Variants in QPCT observed in about 807,000 individuals in gnomAD.
QPCT encodes the protein glutaminyl-peptide cyclotransferase, also known as EC.
Under a neutral mutation model 43.4 loss-of-function variants are expected in QPCT, and 44 were observed. That is an observed-to-expected ratio of 1.01 (90% CI 0.80 to 1.30). The LOEUF (loss-of-function observed/expected upper bound fraction) is 1.30. QPCT is among the 50% of genes most tolerant of loss of function. QPCT has a pLI of 0.00. For synonymous variants in QPCT, 168 were observed against 168.4 expected (o/e 1.00, Z 0.02); for missense variants, 526 against 436.5 (o/e 1.21, Z -1.83).
intron 4 of QPCT, chr2:37,368,467 C>T: frequency 2.5e-6 from 1 of 394,096 alleles, no homozygotes; most frequent in Non-Finnish European, 5.2e-6. Flanking sequence ...CTGACGCTCA[C>T]CCCATCTGTG....
intron 1 of QPCT, among the ~76,000 whole-genome samples, chr2:37,347,153 T>TTATATATATATATATATATATATC (rs1553384201): frequency 1.8e-5 from 1 of 57,108 alleles, no homozygotes; most frequent in Non-Finnish European, 2.8e-5. Flanking sequence ...TTTATATATA[T>TTATATATATATATATATATATATC]ATATATATAT....
intron 5 of QPCT, among the ~76,000 whole-genome samples, chr2:37,370,805 C>A (rs72792856): frequency 0.012 from 1,884 of 152,222 alleles, 17 homozygotes; most frequent in Non-Finnish European, 0.021. Context: ...TGTACTACCA[C>A]CCTACCCAAA....
rs1672515567 is a variant in QPCT, at chr2:37,347,183, T to TTATATATATATAAC, written c.120+2332_120+2333insTATATATATATAAC. Among the ~76,000 whole-genome samples, 5 of 56,916 alleles carry TTATATATATATAAC rather than the reference T, an allele frequency of 8.8e-5. 1 individual carries two copies. Among genetic ancestry groups the TTATATATATATAAC allele is most frequent in the African/African-American group, 4.1e-4 (5 of 12,068 alleles). 37.3% of individuals were successfully genotyped at this position (56,916 alleles called of 152,430 possible). On this transcript the variant is annotated intron_variant, in intron 1 of 6. Transcript: ENST00000338415. ...ATATATAACATATATATATATAACA[T>TTATATATATATAAC]ATATATATAACATATATATATAACA... is the stretch of plus-strand genomic sequence containing the variant.
intron 4 of QPCT, chr2:37,368,650 G>T (rs777935823): frequency 3.0e-5 from 14 of 471,156 alleles, no homozygotes; most frequent in South Asian, 2.0e-4. Flanking sequence ...TAATGGGCCA[G>T]GGGAATGTGG....
intron 4 of QPCT, among the ~76,000 whole-genome samples, chr2:37,367,648 G>T (rs567289235): frequency 2.0e-5 from 3 of 152,108 alleles, no homozygotes; most frequent in Admixed American, 2.0e-4. Flanking sequence ...GAGGTGGGAG[G>T]ATCACTTGAG....
intron 4 of QPCT, 144 bp downstream of exon 4, chr2:37,367,552 G>T: frequency 2.4e-6 from 2 of 835,686 alleles, no homozygotes; most frequent in Non-Finnish European, 3.5e-6. Flanking sequence ...GCAGGCATTG[G>T]GTTTTTGAGG....
At chr2:37,363,448 C>G (rs2124939697) in intron 3 of QPCT, among the ~76,000 whole-genome samples, 1 of 139,928 alleles carries the variant, frequency 7.1e-6, no homozygotes, top group East Asian at 2.1e-4. Flanking sequence ...CATAGTGAGG[C>G]TCCCTCTCTA....
At chr2:37,354,330 T>C (rs1672695807) in intron 2 of QPCT, among the ~76,000 whole-genome samples, 1 of 152,148 alleles carries the variant, frequency 6.6e-6, no homozygotes, top group Non-Finnish European at 1.5e-5. Context: ...TGTCTAACCT[T>C]TAGGCAGAGT....
chr2:37,370,300 C>A (rs1673049651), intron 5 of QPCT, among the ~76,000 whole-genome samples: 1 of 152,034 alleles, frequency 6.6e-6, no homozygotes, highest in African/African-American at 2.4e-5. Context: ...TTGTAGTAAG[C>A]CCAGTTTATT....
chr2:37,348,628 A>G (rs1672559142), intron 1 of QPCT, among the ~76,000 whole-genome samples: 1 of 152,214 alleles, frequency 6.6e-6, no homozygotes, highest in Admixed American at 6.5e-5. Flanking sequence ...GGCCAACTCT[A>G]TCAATTATGT....
rs529472187 is a variant in QPCT, at chr2:37,359,841, A to C, written c.529A>C (p.Lys177Gln). 1 of 1,614,148 alleles carries C rather than the reference A, an allele frequency of 6.2e-7. No individual in the cohort carries two copies. The highest frequency in any genetic ancestry group is 1.7e-5 in the Admixed American group (1 of 60,028). ...MLELARALDK[K>Q]LLSLKTVSDS... is the part of the protein sequence containing the mutation. ...GGAACTTGCTCGTGCCTTAGACAAG[A>C]AACTCCTTTCCTTAAAGGTATCTGT... The change falls in exon 3 of 7, where the codon AAA (lysine) becomes CAA (glutamine). Residue 177 changes from lysine to glutamine, a missense_variant. Coordinates refer to ENST00000338415, the MANE Select transcript of QPCT (RefSeq NM_012413.4).
chr2:37,369,190 C>G (rs1460808719), intron 4 of QPCT, among the ~76,000 whole-genome samples: 1 of 152,060 alleles, frequency 6.6e-6, no homozygotes, highest in African/African-American at 2.4e-5. Flanking sequence ...AAATGGAGAT[C>G]CAGAGACACA....
chr2:37,346,690 C>A (rs1348692125), intron 1 of QPCT, among the ~76,000 whole-genome samples: 2 of 152,170 alleles, frequency 1.3e-5, no homozygotes, highest in African/African-American at 2.4e-5. Context: ...GTTTTCAAAT[C>A]ATTAAAAGCA....
At chr2:37,369,066 T>A (rs1041832764) in intron 4 of QPCT, among the ~76,000 whole-genome samples, 1 of 152,102 alleles carries the variant, frequency 6.6e-6, no homozygotes, top group African/African-American at 2.4e-5. Context: ...AATGAGGAGG[T>A]CTTAATCTAG....
chr2:37,372,211 G>T, intron 5 of QPCT, 145 bp from the exon 6 acceptor site: 1 of 678,712 alleles, frequency 1.5e-6, no homozygotes, highest in Admixed American at 2.2e-5. Flanking sequence ...TTATTGTCAT[G>T]GGTGTGGCCA....
intron 5 of QPCT, 66 bp from the exon 6 acceptor site, chr2:37,372,290 G>A (rs1673092450): frequency 5.3e-6 from 6 of 1,140,158 alleles, no homozygotes; most frequent in Non-Finnish European, 8.0e-6. Context: ...CCTTAAATAA[G>A]GATACATTAT....
intron 3 of QPCT, among the ~76,000 whole-genome samples, chr2:37,365,134 A>G (rs1672936347): frequency 6.6e-6 from 1 of 151,826 alleles, no homozygotes; most frequent in South Asian, 2.1e-4. Context: ...TATGATTTAA[A>G]GCCTCAAGAA....
chr2:37,350,597 A>T (rs1350388595), intron 1 of QPCT, among the ~76,000 whole-genome samples: 1 of 152,226 alleles, frequency 6.6e-6, no homozygotes, highest in Non-Finnish European at 1.5e-5. Context: ...GGCAGAGTAA[A>T]ACTAGCATGG....
In QPCT at chr2:37,367,353, T is replaced by C. The variant is rs769688106; in HGVS notation, c.668T>C (p.Met223Thr). The change falls in exon 4 of 7, where the codon ATG (methionine) becomes ACG (threonine). Residue 223 changes from methionine (M) to threonine (T), a missense_variant. Physicochemically the swap from Met to Thr is moderately conservative, Grantham distance 81 (BLOSUM62 -1). Transcript: ENST00000338415. ...GGGTCTCGACACTTAGCTGCAAAGA[T>C]GGCATCGACCCCGCACCCACCTGGA... is the stretch of plus-strand genomic sequence containing the variant. ...LYGSRHLAAKMASTPHPPGAR... is the reference protein window; with the variant it reads ...LYGSRHLAAKTASTPHPPGAR... 12 of 1,613,938 alleles carry C rather than the reference T, an allele frequency of 7.4e-6. No homozygotes were observed. The highest frequency in any genetic ancestry group is 3.3e-5 in the Admixed American group (2 of 59,984).
Sources: gnomAD v4.1 joint callset for allele counts (sites outside exome capture counted in the v4.1 genomes callset) on GRCh38, gnomAD v4.1.1 for gene constraint, MANE v1.5 for transcripts, NCBI Gene and HGNC (gene_info 2026-07-23, HGNC 2026-07-21) for gene names.